CEPT1: variants seen among roughly 807,000 people sequenced by gnomAD.
CEPT1 encodes choline/ethanolamine phosphotransferase 1, also known as choline/ethanolaminephosphotransferase 1.
CEPT1 carries 7 observed loss-of-function variants against 42.6 expected under a neutral mutation model. That is an observed-to-expected ratio of 0.16 (90% confidence interval 0.09 to 0.31). The LOEUF is 0.31. Ranked by LOEUF, CEPT1 falls within the 10% of genes least tolerant of loss-of-function variation. The pLI is 1.00. For missense variants in CEPT1, 306 were observed against 502.1 expected (o/e 0.61, Z 3.73); for synonymous variants, 171 against 171.9 (o/e 0.99, Z 0.04).
chr1:111,143,577 G>C (rs1360386094), intron 1 of CEPT1: 1 of 151,962 alleles, frequency 6.6e-6, no homozygotes, highest in African/African-American at 2.4e-5. Context: ...GTTAAGACTG[G>C]TGGCTAGGTT....
rs147885308 is a variant in CEPT1 at position 111,175,469 on chromosome 1, T to TA, written c.714+507dup. Among the ~76,000 whole-genome samples, 1,095 of 152,316 alleles carry TA rather than the reference T, an allele frequency of 7.2e-3. 17 individuals carry two copies. Among genetic ancestry groups the TA allele is most frequent in the African/African-American group, 0.024 (987 of 41,564 alleles). On this transcript the variant is annotated intron_variant, in intron 5 of 8. Transcript: ENST00000357172. ...GGTCTACCTGAAATATAGTCACTCT[T>TA]ACAAACACAGATTCTTTTCCACAAA...
rs1349432080 is a variant in CEPT1, at chr1:111,163,674, T to C, written c.629+2378T>C. ...GCCATTTATCAAAATAACAATGTAA[T>C]GGAGGCATATAGAATAAATAGAGAT... On this transcript the variant is annotated intron_variant, in intron 4 of 8. Coordinates refer to ENST00000357172, the MANE Select transcript of CEPT1 (RefSeq NM_006090.5). Among the ~76,000 whole-genome samples the C allele has an allele frequency of 2.6e-5, 4 of 151,602 alleles. No individual in the cohort carries two copies. In the East Asian group the frequency reaches 5.8e-4, roughly 22 times the overall value.
chr1:111,177,244 C>T (rs1026585817), intron 5 of CEPT1, among the ~76,000 whole-genome samples: 1 of 152,170 alleles, frequency 6.6e-6, no homozygotes, highest in Non-Finnish European at 1.5e-5. Context: ...ACTTACGTGA[C>T]AGGATATGGG....
chr1:111,154,435 A>C (rs1043081821), intron 2 of CEPT1, among the ~76,000 whole-genome samples: 6 of 152,230 alleles, frequency 3.9e-5, no homozygotes, highest in African/African-American at 1.4e-4. Flanking sequence ...ATAATCTGCA[A>C]AGAGGGACAG....
At chr1:111,155,766 G>A (rs1000432859) in intron 2 of CEPT1, among the ~76,000 whole-genome samples, 9 of 152,120 alleles carry the variant, frequency 5.9e-5, no homozygotes, top group African/African-American at 2.2e-4. Context: ...TCAAACTCCC[G>A]ACCTCAGGTG....
intron 1 of CEPT1, among the ~76,000 whole-genome samples, chr1:111,146,575 A>G (rs983590612): frequency 6.6e-6 from 1 of 152,122 alleles, no homozygotes; most frequent in African/African-American, 2.4e-5. Flanking sequence ...CCATCCTACT[A>G]TAGGCCCTCA....
chr1:111,175,261 T>C (rs536296093), intron 5 of CEPT1, among the ~76,000 whole-genome samples: 1 of 152,298 alleles, frequency 6.6e-6, no homozygotes, highest in South Asian at 2.1e-4. Context: ...AGTGACAAGA[T>C]TAAATTAGAC....
intron 2 of CEPT1, among the ~76,000 whole-genome samples, chr1:111,153,876 G>C (rs1036549004): frequency 6.6e-6 from 1 of 152,118 alleles, no homozygotes; most frequent in Non-Finnish European, 1.5e-5. Context: ...GTATTTTGAA[G>C]TCAGGTAGTG....
At chr1:111,157,306 G>A (rs535249662) in intron 2 of CEPT1, among the ~76,000 whole-genome samples, 1 of 152,016 alleles carries the variant, frequency 6.6e-6, no homozygotes. Flanking sequence ...TGGACCCCAA[G>A]AAACCCCTAG....
chr1:111,145,301 G>A (rs1654897672), intron 1 of CEPT1, among the ~76,000 whole-genome samples: 1 of 152,192 alleles, frequency 6.6e-6, no homozygotes, highest in Non-Finnish European at 1.5e-5. Context: ...ACCGCGCCTG[G>A]CGAAATATTA....
In CEPT1 at chr1:111,148,449, GT is replaced by G. The variant is rs896470358; in HGVS notation, c.339+404del. ...GACTGTAAACTAGCCTTATCAAAAGGTTTTTTTTCCATTCTAGTGAGAAGTG... is the reference window on the plus strand; with the variant it reads ...GACTGTAAACTAGCCTTATCAAAAGGTTTTTTTCCATTCTAGTGAGAAGTG... On this transcript the variant is annotated intron_variant, in intron 2 of 8. Transcript: ENST00000357172. Among the ~76,000 whole-genome samples the G allele has an allele frequency of 6.6e-5, 10 of 151,314 alleles. No individual in the cohort carries two copies. In the East Asian group the frequency reaches 7.7e-4, roughly 12 times the overall value.
At chr1:111,143,520 A>G (rs1654782185) in intron 1 of CEPT1, 2 of 152,134 alleles carry the variant, frequency 1.3e-5, no homozygotes, top group South Asian at 4.1e-4. Flanking sequence ...CTGCATTTAT[A>G]TGTTGGCTGA....
intron 6 of CEPT1, 144 bp from the exon 7 acceptor site, chr1:111,182,655 G>A: frequency 1.4e-6 from 1 of 719,772 alleles, no homozygotes; most frequent in East Asian, 2.7e-5. Context: ...AGCTCTTCTA[G>A]TTTGTGATTT....
At position 111,167,440 on chromosome 1, in the gene CEPT1, A is replaced by G. The variant is rs908965327; in HGVS notation, c.629+6144A>G. 7 of 881,800 alleles carry G rather than the reference A, an allele frequency of 7.9e-6. No individual in the cohort carries two copies. In the South Asian group the frequency reaches 2.6e-4, roughly 33 times the overall value. The allele number at this position is 881,800 out of a possible 1,614,324, so 54.6% of individuals were successfully genotyped here. Reference sequence around the variant, plus strand: ...CTAAAGTCAATTCTCCTGTTTGCCTATTGTGCCTATTATTTTTATTCTATG... The same window carrying G: ...CTAAAGTCAATTCTCCTGTTTGCCTGTTGTGCCTATTATTTTTATTCTATG... On this transcript the variant is annotated intron_variant, in intron 4 of 8. Transcript: ENST00000357172.
chr1:111,140,021 C>G (rs1037222988), upstream of CEPT1: 2 of 152,436 alleles, frequency 1.3e-5, no homozygotes, highest in Non-Finnish European at 2.9e-5. Flanking sequence ...TGTCCCTTCT[C>G]CCCTACTTCG....
At position 111,150,867 on chromosome 1, in the gene CEPT1, A is replaced by T. The variant is rs77661839; in HGVS notation, c.339+2814A>T. On this transcript the variant is annotated intron_variant, in intron 2 of 8. Coordinates refer to ENST00000357172, the MANE Select transcript of CEPT1 (RefSeq NM_006090.5). ...AAAATTTCCCTTTGATCTGTTCATT[A>T]CTCAGTATTTAAACTTCATTAGCTA... 8.0e-3 allele frequency among the ~76,000 whole-genome samples: 1,216 copies of T among 152,270 alleles called. 16 individuals carry two copies. Among genetic ancestry groups the T allele is most frequent in the African/African-American group, 0.028 (1,166 of 41,556 alleles).
At chr1:111,149,593 A>G (rs1655164110) in intron 2 of CEPT1, among the ~76,000 whole-genome samples, 1 of 152,216 alleles carries the variant, frequency 6.6e-6, no homozygotes, top group Admixed American at 6.5e-5. Flanking sequence ...CCTGTTGCTC[A>G]GTTAGGATAC....
At chr1:111,173,665 C>G (rs906144323) in intron 4 of CEPT1, among the ~76,000 whole-genome samples, 4 of 152,052 alleles carry the variant, frequency 2.6e-5, no homozygotes, top group African/African-American at 7.2e-5. Flanking sequence ...TTCCCAGCTC[C>G]CCAGTTTCTA....
chr1:111,166,688 A>G (rs1179837695), intron 4 of CEPT1, among the ~76,000 whole-genome samples: 1 of 152,170 alleles, frequency 6.6e-6, no homozygotes, highest in Admixed American at 6.5e-5. Flanking sequence ...TGTTTTTTCA[A>G]AATGTACATT....
Sources: allele counts gnomAD v4.1 joint callset (sites outside exome capture counted in the v4.1 genomes callset), GRCh38; gene constraint gnomAD v4.1.1; transcripts MANE v1.5; gene names NCBI Gene and HGNC (gene_info 2026-07-23, HGNC 2026-07-21).